Variants in CRK observed in about 807,000 individuals in gnomAD.
CRK encodes the protein adapter molecule crk.
A neutral mutation model predicts 29.8 loss-of-function variants in CRK; 4 were observed. That is an observed-to-expected ratio of 0.13 (90% CI 0.07 to 0.31). The LOEUF (loss-of-function observed/expected upper bound fraction) is 0.31. Ranked by LOEUF, CRK falls within the 10% of genes least tolerant of loss-of-function variation. The pLI is 1.00. For synonymous variants in CRK, 153 were observed against 164.9 expected (o/e 0.93, Z 0.55); for missense variants, 274 against 396.5 (o/e 0.69, Z 2.62).
intron 1 of CRK, among the ~76,000 whole-genome samples, chr17:1,444,599 G>GGGT (rs1555654450): frequency 2.0e-5 from 3 of 149,824 alleles, no homozygotes; most frequent in South Asian, 4.4e-4. Flanking sequence ...CCGAAGCGGG[G>GGGT]GGGGGGATCA....
chr17:1,423,516 G>A lies in CRK; in HGVS notation c.912C>T (p.Ser304=). The A allele has an allele frequency of 1.2e-6, 2 of 1,613,652 alleles. No individual in the cohort carries two copies. The highest frequency in any genetic ancestry group is 8.5e-7 in the Non-Finnish European group (1 of 1,179,874). ...LDQQNPDEDF[S] Reference sequence around the variant, plus strand: ...CAGCAAAACTGTTGAACTATACTCAGCTGAAGTCCTCATCGGGATTCTGTT... The same window carrying A: ...CAGCAAAACTGTTGAACTATACTCAACTGAAGTCCTCATCGGGATTCTGTT... Residue 304 remains serine (S), a synonymous_variant, in exon 3 of 3, where the codon AGC becomes AGT. Transcript: ENST00000300574.
rs779969139 is a variant in CRK at position 1,456,066 on chromosome 17, A to C, written c.52T>G (p.Leu18Val). The C allele has an allele frequency of 6.3e-7, 1 of 1,592,218 alleles. No homozygotes were observed. Among genetic ancestry groups the C allele is most frequent in the East Asian group, 2.4e-5 (1 of 41,996 alleles). The part of the protein sequence containing the change: ...EERSSWYWGR[L>V]SRQEAVALLQ... Reference sequence around the variant, plus strand: ...AGCGCCACCGCCTCCTGCCGACTCAACCTCCCCCAGTACCAGCTACTCCGC... The same window carrying C: ...AGCGCCACCGCCTCCTGCCGACTCACCCTCCCCCAGTACCAGCTACTCCGC... The change falls in exon 1 of 3, where the codon TTG becomes GTG. Residue 18 changes from leucine (L) to valine (V), a missense_variant. This residue lies in a region of CRK where 135 missense variants were observed against 180.9 expected (regional missense o/e 0.75). Transcript: ENST00000300574.
chr17:1,422,773 A>C lies in CRK; in HGVS notation c.*740T>G. The C allele has an allele frequency of 2.5e-6, 1 of 396,520 alleles. No individual in the cohort carries two copies. Among genetic ancestry groups the C allele is most frequent in the Non-Finnish European group, 4.4e-6 (1 of 225,042 alleles). 24.6% of individuals were successfully genotyped at this position (396,520 alleles called of 1,614,324 possible). On this transcript the variant is annotated 3_prime_UTR_variant, in exon 3 of 3. Coordinates refer to ENST00000300574, the MANE Select transcript of CRK (RefSeq NM_016823.4). Reference sequence around the variant, plus strand: ...CAGAGAGCTGGGAGACTGGCTGTCCACTTAGTGAATCCAACACTGGCTTAA... The same window carrying C: ...CAGAGAGCTGGGAGACTGGCTGTCCCCTTAGTGAATCCAACACTGGCTTAA...
intron 2 of CRK, among the ~76,000 whole-genome samples, chr17:1,434,123 C>A (rs1444896922): frequency 2.0e-5 from 3 of 152,080 alleles, no homozygotes; most frequent in African/African-American, 7.2e-5. Context: ...CCCTCAAAAA[C>A]CTTTACAGAA....
At chr17:1,450,533 A>G (rs552777404) in intron 1 of CRK, among the ~76,000 whole-genome samples, 23 of 145,606 alleles carry the variant, frequency 1.6e-4, no homozygotes, top group Non-Finnish European at 2.6e-4. Flanking sequence ...AAAAACACAT[A>G]AAAATGACAC....
intron 2 of CRK, 125 bp from the exon 3 acceptor site, chr17:1,423,775 T>G: frequency 8.5e-6 from 10 of 1,180,502 alleles, no homozygotes; most frequent in South Asian, 1.6e-5. Flanking sequence ...AAATGGCCAT[T>G]TGCTGCCTCC....
intron 2 of CRK, among the ~76,000 whole-genome samples, chr17:1,426,973 A>G (rs1052121690): frequency 2.9e-5 from 4 of 139,000 alleles, no homozygotes; most frequent in Non-Finnish European, 4.6e-5. Context: ...CAGAGATTGC[A>G]GTGAGCCAAG....
chr17:1,429,287 T>G (rs2073814275), intron 2 of CRK, among the ~76,000 whole-genome samples: 1 of 151,688 alleles, frequency 6.6e-6, no homozygotes, highest in African/African-American at 2.4e-5. Context: ...AGTCCAGGGT[T>G]TTTTTTTCTT....
At chr17:1,432,476 T>TAA (rs59669841) in intron 2 of CRK, among the ~76,000 whole-genome samples, 38,176 of 100,064 alleles carry the variant, frequency 0.38, 7,753 homozygotes, top group Non-Finnish European at 0.43. Context: ...GACCTTGTCT[T>TAA]AAAAAAAAAA....
chr17:1,439,341 C>T (rs1174850827), intron 1 of CRK, among the ~76,000 whole-genome samples: 6 of 152,108 alleles, frequency 3.9e-5, no homozygotes, highest in Non-Finnish European at 8.8e-5. Context: ...TAGTGATCCA[C>T]CCGCCTCGGC....
chr17:1,449,179 G>GC (rs2073999603), intron 1 of CRK, among the ~76,000 whole-genome samples: 1 of 151,990 alleles, frequency 6.6e-6, no homozygotes, highest in South Asian at 2.1e-4. Context: ...ACCCACTAGC[G>GC]CAACAGGTCG....
intron 1 of CRK, among the ~76,000 whole-genome samples, chr17:1,452,123 A>T (rs975939723): frequency 6.6e-6 from 1 of 152,210 alleles, no homozygotes; most frequent in African/African-American, 2.4e-5. Context: ...GTAGTGTAAA[A>T]GGGTCAGCTC....
chr17:1,450,886 CAAACAAAACA>C (rs749276099), intron 1 of CRK, among the ~76,000 whole-genome samples: 2 of 151,914 alleles, frequency 1.3e-5, no homozygotes, highest in South Asian at 2.1e-4. Flanking sequence ...AACTCCCTCT[CAAACAAAACA>C]AAACAAAACA....
chr17:1,450,649 C>T (rs1421197711), intron 1 of CRK, among the ~76,000 whole-genome samples: 2 of 150,882 alleles, frequency 1.3e-5, no homozygotes, highest in East Asian at 2.0e-4. Context: ...TTGGGGAAGC[C>T]GAGGCGAGCG....
chr17:1,441,985 C>T (rs867666630), intron 1 of CRK, among the ~76,000 whole-genome samples: 3 of 147,984 alleles, frequency 2.0e-5, no homozygotes, highest in Admixed American at 6.9e-5. Flanking sequence ...CCTCCCAAGT[C>T]GCTGGGACTA....
chr17:1,442,199 G>A (rs2073940620), intron 1 of CRK, among the ~76,000 whole-genome samples: 2 of 151,250 alleles, frequency 1.3e-5, no homozygotes, highest in South Asian at 2.1e-4. Flanking sequence ...CTGTCACCCA[G>A]GCAGGGGTGC....
rs2074056903 is a variant in CRK at position 1,456,228 on chromosome 17, G to A, written c.-111C>T. ...CGGTTTCAGCTTCACAGCAGCGCCC[G>A]AAATGGCGGCGGCAGCCGCGGGCCT... On this transcript the variant is annotated 5_prime_UTR_variant, in exon 1 of 3. Transcript: ENST00000300574. The A allele has an allele frequency of 3.0e-5, 39 of 1,283,888 alleles. No individual in the cohort carries two copies. Among genetic ancestry groups the A allele is most frequent in the Admixed American group, 8.5e-5 (2 of 23,394 alleles). 79.5% of individuals were successfully genotyped at this position (1,283,888 alleles called of 1,614,324 possible).
chr17:1,451,513 T>A (rs112062972), intron 1 of CRK, among the ~76,000 whole-genome samples: 1 of 151,930 alleles, frequency 6.6e-6, no homozygotes, highest in Middle Eastern at 3.4e-3. Flanking sequence ...ATTACAGGCA[T>A]GAGCCACTGC....
intron 1 of CRK, among the ~76,000 whole-genome samples, chr17:1,441,475 C>T (rs180850322): frequency 2.0e-5 from 3 of 152,030 alleles, no homozygotes; most frequent in South Asian, 2.1e-4. Context: ...ACTAAAGGTG[C>T]GGGTGGCATT....
Sources: allele counts gnomAD v4.1 joint callset (sites outside exome capture counted in the v4.1 genomes callset), GRCh38; gene constraint gnomAD v4.1.1; regional missense constraint gnomAD v4.1.1; transcripts MANE v1.5; gene names NCBI Gene and HGNC (gene_info 2026-07-23, HGNC 2026-07-21).